The following FRK variants were observed in gnomAD, a reference collection of about 807,000 sequenced individuals.
The protein encoded by FRK is fyn related Src family tyrosine kinase, also known as tyrosine-protein kinase FRK.
A neutral mutation model predicts 56.4 loss-of-function variants in FRK; 51 were observed. The observed-to-expected ratio is 0.90, with a 90% CI of 0.72 to 1.14. The LOEUF (loss-of-function observed/expected upper bound fraction) is 1.14. Among genes scored for constraint, FRK ranks in the 50% most tolerant of loss-of-function variants. The pLI is 0.00. For synonymous variants in FRK, 245 were observed against 217.9 expected (o/e 1.12, Z -1.10); for missense variants, 570 against 601.4 (o/e 0.95, Z 0.55).
At chr6:115,997,416 T>G (rs1408201348) in intron 2 of FRK, among the ~76,000 whole-genome samples, 1 of 151,270 alleles carries the variant, frequency 6.6e-6, no homozygotes, top group African/African-American at 2.4e-5. Flanking sequence ...CTGCTCAAAA[T>G]CAGCACAAAC....
chr6:115,970,868 G>A (rs929169702), intron 2 of FRK, among the ~76,000 whole-genome samples: 3 of 152,148 alleles, frequency 2.0e-5, no homozygotes, highest in Non-Finnish European at 2.9e-5. Context: ...AGTTATGATC[G>A]ATTGTGCCAC....
the FRK span, among the ~76,000 whole-genome samples, chr6:116,073,449 T>G: frequency 6.6e-6 from 1 of 152,140 alleles, no homozygotes; most frequent in Non-Finnish European, 1.5e-5. Context: ...AGAAAATCAG[T>G]CAGTGATTTA....
chr6:115,983,647 G>C (rs888341446), intron 2 of FRK, among the ~76,000 whole-genome samples: 1 of 152,086 alleles, frequency 6.6e-6, no homozygotes, highest in Non-Finnish European at 1.5e-5. Context: ...CTGAAACCCA[G>C]ACATGAAAGC....
At chr6:115,970,918 T>C (rs1562264035) in intron 2 of FRK, among the ~76,000 whole-genome samples, 1 of 152,058 alleles carries the variant, frequency 6.6e-6, no homozygotes, top group Non-Finnish European at 1.5e-5. Context: ...CAAGACTGTC[T>C]CTAAAATAAG....
intron 1 of FRK, among the ~76,000 whole-genome samples, chr6:116,050,821 G>A (rs1315386208): frequency 6.6e-6 from 1 of 152,134 alleles, no homozygotes; most frequent in South Asian, 2.1e-4. Flanking sequence ...TTTCTTCAAT[G>A]ACCAGAAATG....
chr6:115,968,986 T>A (rs552555818), intron 2 of FRK, among the ~76,000 whole-genome samples: 1 of 152,244 alleles, frequency 6.6e-6, no homozygotes, highest in African/African-American at 2.4e-5. Context: ...ACTAAAAGAA[T>A]CCATGCTTCA....
chr6:116,043,326 C>T (rs1776801991), intron 1 of FRK, among the ~76,000 whole-genome samples: 1 of 152,148 alleles, frequency 6.6e-6, no homozygotes, highest in South Asian at 2.1e-4. Context: ...AAAGTGATCA[C>T]ATAATTGGAA....
intron 2 of FRK, among the ~76,000 whole-genome samples, chr6:115,981,310 T>C (rs567515412): frequency 6.6e-6 from 1 of 152,204 alleles, no homozygotes; most frequent in South Asian, 2.1e-4. Context: ...ATTTTAAAGA[T>C]GGTTTAATTT....
chr6:115,993,940 A>G (rs1337954524), intron 2 of FRK, among the ~76,000 whole-genome samples: 1 of 152,004 alleles, frequency 6.6e-6, no homozygotes, highest in Non-Finnish European at 1.5e-5. Flanking sequence ...GAGATTTCAA[A>G]TCAAATGATT....
In FRK at chr6:115,938,757, C is replaced by T. The variant is rs1441756341; in HGVS notation, c.*3657G>A. The T allele has an allele frequency of 6.6e-6, 1 of 152,056 alleles. No homozygotes were observed. Among genetic ancestry groups the T allele is most frequent in the Non-Finnish European group, 1.5e-5 (1 of 68,006 alleles). 9.4% of individuals were successfully genotyped at this position (152,056 alleles called of 1,614,324 possible). On this transcript the variant is annotated 3_prime_UTR_variant, in exon 8 of 8. Transcript: ENST00000606080. ...TAAATTCCTGCAAACATACACCCTC[C>T]CAAGTCTAAACCAGGAAGAAGATGA...
rs190731184 is a variant in FRK, at chr6:115,988,987, A to G, written c.466+14890T>C. 4.4e-4 allele frequency among the ~76,000 whole-genome samples: 67 copies of G among 151,900 alleles called. 1 individual carries two copies. In the East Asian group the frequency reaches 0.012, roughly 28 times the overall value. The stretch of plus-strand genomic sequence containing the variant: ...GAGCTTTAATTTCCTGTTCAATCCA[A>G]AACCCGCACCAGGTCTTCTCAAATG... On this transcript the variant is annotated intron_variant, in intron 2 of 7. Coordinates refer to ENST00000606080, the MANE Select transcript of FRK (RefSeq NM_002031.3).
At chr6:116,004,423 T>A (rs1223122043) in intron 1 of FRK, among the ~76,000 whole-genome samples, 1 of 152,128 alleles carries the variant, frequency 6.6e-6, no homozygotes, top group African/African-American at 2.4e-5. Context: ...AATATTCCAA[T>A]CAAAGGATCC....
At chr6:116,014,491 G>A (rs1206709242) in intron 1 of FRK, among the ~76,000 whole-genome samples, 1 of 151,850 alleles carries the variant, frequency 6.6e-6, no homozygotes, top group African/African-American at 2.4e-5. Context: ...ACAAGGGTAT[G>A]TGCACAAGTG....
At chr6:116,005,579 C>T (rs954837446) in intron 1 of FRK, among the ~76,000 whole-genome samples, 2 of 152,178 alleles carry the variant, frequency 1.3e-5, no homozygotes, top group Non-Finnish European at 2.9e-5. Flanking sequence ...TGGTAGACTA[C>T]ACTAATGACT....
intron 1 of FRK, chr6:116,039,112 A>T: frequency 1.2e-6 from 1 of 824,652 alleles, no homozygotes; most frequent in Non-Finnish European, 2.2e-6. Context: ...TGGCAAAGGG[A>T]CTCAGAGTAA....
At chr6:115,961,454 A>T (rs1773362138) in intron 4 of FRK, among the ~76,000 whole-genome samples, 1 of 119,672 alleles carries the variant, frequency 8.4e-6, no homozygotes, top group South Asian at 3.7e-4. Context: ...GAATGGAACC[A>T]AGTTGGAAAA....
chr6:116,018,182 T>G (rs1775723275), intron 1 of FRK, among the ~76,000 whole-genome samples: 1 of 152,210 alleles, frequency 6.6e-6, no homozygotes, highest in African/African-American at 2.4e-5. Context: ...TCCATGTTTC[T>G]GTATGCAAAG....
upstream of FRK, among the ~76,000 whole-genome samples, chr6:116,065,506 C>T (rs1305535037): frequency 1.3e-5 from 2 of 152,208 alleles, no homozygotes; most frequent in Non-Finnish European, 2.9e-5. Flanking sequence ...CTTCTTTTGC[C>T]TGATGTGATG....
In FRK at chr6:116,056,513, C is replaced by T. The variant is rs931795938; in HGVS notation, c.344+3455G>A. Reference sequence around the variant, plus strand: ...AACTCTTTGCAGATAAATGATGCTACGTCTAATATTATTGCTGATCATATT... The same window carrying T: ...AACTCTTTGCAGATAAATGATGCTATGTCTAATATTATTGCTGATCATATT... On this transcript the variant is annotated intron_variant, in intron 1 of 7. Transcript: ENST00000606080. Among the ~76,000 whole-genome samples the T allele has an allele frequency of 1.2e-4, 19 of 152,196 alleles. No homozygotes were observed. In the East Asian group the frequency reaches 1.4e-3, roughly 11 times the overall value.
Sources: allele counts gnomAD v4.1 joint callset (sites outside exome capture counted in the v4.1 genomes callset), GRCh38; gene constraint gnomAD v4.1.1; transcripts MANE v1.5; gene names NCBI Gene and HGNC (gene_info 2026-07-23, HGNC 2026-07-21).